CARMIL2: variants seen among roughly 807,000 people sequenced by gnomAD.
CARMIL2 encodes capping protein regulator and myosin 1 linker 2.
A neutral mutation model predicts 173.3 loss-of-function variants in CARMIL2; 96 were observed. That is an observed-to-expected ratio of 0.55 (90% CI 0.47 to 0.66). The LOEUF is 0.66. Ranked by LOEUF, CARMIL2 falls within the 30% of genes least tolerant of loss-of-function variation. The pLI is 0.00. For missense variants in CARMIL2, 1,771 were observed against 1,906.7 expected (o/e 0.93, Z 1.33); for synonymous variants, 830 against 817.1 (o/e 1.02, Z -0.27).
chr16:67,653,161 G>C lies in CARMIL2; in HGVS notation c.3027G>C (p.Leu1009=). 9.0e-7 allele frequency: 1 copy of C among 1,108,340 alleles called. No individual in the cohort carries two copies. The highest frequency in any genetic ancestry group is 1.1e-6 in the Non-Finnish European group (1 of 908,762). The allele number at this position is 1,108,340 out of a possible 1,614,324, so 68.7% of individuals were successfully genotyped here. The change falls in exon 29 of 38, where the codon CTG becomes CTC. Residue 1009 remains leucine (L), a synonymous_variant. Coordinates refer to ENST00000334583, the MANE Select transcript of CARMIL2 (RefSeq NM_001013838.3). This position sits in a 1 kb window ranked among gnomAD's most constrained non-coding sequence, Gnocchi z 7.4. ...CCGGCCCGCTGCCCCGCATGGACCT[G>C]CCACTGGCGGGGCAGCCCCTGCGCC... ...PPAGPLPRMD[L]PLAGQPLRHP...
Position 67,654,395 on chromosome 16 carries a change from A to G in CARMIL2, c.3285A>G (p.Arg1095=). 6.2e-7 allele frequency: 1 copy of G among 1,609,492 alleles called. No individual in the cohort carries two copies. The highest frequency in any genetic ancestry group is 8.5e-7 in the Non-Finnish European group (1 of 1,178,312). The change falls in exon 31 of 38, where the codon CGA becomes CGG. Residue 1095 remains arginine (R), a synonymous_variant. Coordinates refer to ENST00000334583, the MANE Select transcript of CARMIL2 (RefSeq NM_001013838.3). The stretch of plus-strand genomic sequence containing the variant: ...CCACTCCTGTCCCCCGTACACTGCG[A>G]AAGAAGCTGGGCACCCTCTTTGCCT... ...GGATPVPRTL[R]KKLGTLFAFK...
chr16:67,652,948 G>A lies in CARMIL2; in HGVS notation c.2885-71G>A, dbSNP rs1241279915. 8 of 752,380 alleles carry A rather than the reference G, an allele frequency of 1.1e-5. No homozygotes were observed. The highest frequency in any genetic ancestry group is 9.7e-5 in the African/African-American group (5 of 51,518). 46.6% of individuals were successfully genotyped at this position (752,380 alleles called of 1,614,324 possible). Reference sequence around the variant, plus strand: ...TCCCCGCGCCCTGGGCGGGTCCCCCGCCGCCCTAGCGCCTCCGCCGCCACC... The same window carrying A: ...TCCCCGCGCCCTGGGCGGGTCCCCCACCGCCCTAGCGCCTCCGCCGCCACC... On this transcript the variant is annotated intron_variant, in intron 28 of 37. Coordinates refer to ENST00000334583, the MANE Select transcript of CARMIL2 (RefSeq NM_001013838.3). This position sits in a 1 kb window ranked among gnomAD's most constrained non-coding sequence, Gnocchi z 4.7.
At position 67,657,363 on chromosome 16, in the gene CARMIL2, C is replaced by A; in HGVS notation, c.4196-43C>A. 1 of 1,607,914 alleles carries A rather than the reference C, an allele frequency of 6.2e-7. No homozygotes were observed. Among genetic ancestry groups the A allele is most frequent in the Non-Finnish European group, 8.5e-7 (1 of 1,176,464 alleles). On this transcript the variant is annotated intron_variant, in intron 37 of 37. Transcript: ENST00000334583. The surrounding 1 kb of genome is among the most constrained non-coding windows in gnomAD (Gnocchi z 4.5). ...CTGGGAGGGTGGCAGGACTGCTTAGCCCAGCCCTGACCCTTCCTCTCTCTC... is the reference window on the plus strand; with the variant it reads ...CTGGGAGGGTGGCAGGACTGCTTAGACCAGCCCTGACCCTTCCTCTCTCTC...
In CARMIL2 at chr16:67,654,686, C is replaced by T. The variant is rs376664554; in HGVS notation, c.3576C>T (p.Pro1192=). 34 of 1,592,322 alleles carry T rather than the reference C, an allele frequency of 2.1e-5. No homozygotes were observed. The African/African-American group carries it at 3.6e-4, about 17-fold the overall frequency. Residue 1192 remains proline (P), a synonymous_variant, in exon 31 of 38, where the codon CCC becomes CCT. Transcript: ENST00000334583. Reference sequence around the variant, plus strand: ...AGGAGGCAACGCTGGGTGCCAGACCCGACAAGGTGAGGCTTGCTGATGGGG... The same window carrying T: ...AGGAGGCAACGCTGGGTGCCAGACCTGACAAGGTGAGGCTTGCTGATGGGG... ...AEEEATLGAR[P]DKRRPLERGE... is the part of the protein sequence containing the mutation.
chr16:67,648,764 G>C lies in CARMIL2; in HGVS notation c.1509+10G>C. On this transcript the variant is annotated intron_variant, in intron 16 of 37. Coordinates refer to ENST00000334583, the MANE Select transcript of CARMIL2 (RefSeq NM_001013838.3). The surrounding 1 kb of genome is among the most constrained non-coding windows in gnomAD (Gnocchi z 6.1). ...CCTCAGCGCTTGCGAGGTGAGCGCC[G>C]GCCCCCAGAAGAGACCACACATTGG... 1.3e-6 allele frequency: 2 copies of C among 1,596,604 alleles called. No individual in the cohort carries two copies. Among genetic ancestry groups the C allele is most frequent in the African/African-American group, 1.3e-5 (1 of 74,612 alleles).
chr16:67,652,405 G>A lies in CARMIL2; in HGVS notation c.2817+66G>A. On this transcript the variant is annotated intron_variant, in intron 27 of 37. Transcript: ENST00000334583. The surrounding 1 kb of genome is among the most constrained non-coding windows in gnomAD (Gnocchi z 4.7). ...TCCCATCTTGCTGTGGAGTGTGGAA[G>A]GTGAAAGGCAGCTCTTTTGGGTTGG... The A allele has an allele frequency of 6.2e-7, 1 of 1,611,678 alleles. No homozygotes were observed. The highest frequency in any genetic ancestry group is 8.5e-7 in the Non-Finnish European group (1 of 1,178,554).
At position 67,648,718 on chromosome 16, in the gene CARMIL2, C is replaced by A. The variant is rs759932806; in HGVS notation, c.1473C>A (p.His491Gln). The change falls in exon 16 of 38, where the codon CAC becomes CAA. Residue 491 changes from histidine (H) to glutamine (Q), a missense_variant. Coordinates refer to ENST00000334583, the MANE Select transcript of CARMIL2 (RefSeq NM_001013838.3). The surrounding 1 kb of genome is among the most constrained non-coding windows in gnomAD (Gnocchi z 6.1). ...ALLDGLALNT[H>Q]LRDLHLDLSA... ...TGGATGGCCTCGCGCTCAACACGCA[C>A]CTCCGCGACCTGCACCTGGACCTCA... 1 of 1,607,830 alleles carries A rather than the reference C, an allele frequency of 6.2e-7. No individual in the cohort carries two copies. The highest frequency in any genetic ancestry group is 2.2e-5 in the East Asian group (1 of 44,512).
At position 67,654,466 on chromosome 16, in the gene CARMIL2, C is replaced by G. The variant is rs757129135; in HGVS notation, c.3356C>G (p.Thr1119Ser). 1 of 1,613,060 alleles carries G rather than the reference C, an allele frequency of 6.2e-7. No individual in the cohort carries two copies. The highest frequency in any genetic ancestry group is 8.5e-7 in the Non-Finnish European group (1 of 1,179,704). The change falls in exon 31 of 38, where the codon ACC becomes AGC. Residue 1119 changes from threonine to serine, a missense_variant. Transcript: ENST00000334583. ...CGGGGTCCACGGACTGATCTAGAGACCAGCCCTGGGGCAGCTCCCCGAACC... is the reference window on the plus strand; with the variant it reads ...CGGGGTCCACGGACTGATCTAGAGAGCAGCCCTGGGGCAGCTCCCCGAACC... ...STRGPRTDLE[T>S]SPGAAPRTRK... is the part of the protein sequence containing the mutation.
rs1385583044 is a variant in CARMIL2 at position 67,646,204 on chromosome 16, T to A, written c.268T>A (p.Ser90Thr). 2 of 1,613,524 alleles carry A rather than the reference T, an allele frequency of 1.2e-6. No homozygotes were observed. The highest frequency in any genetic ancestry group is 8.5e-7 in the Non-Finnish European group (1 of 1,179,838). Residue 90 changes from serine (S) to threonine (T), a missense_variant, in exon 5 of 38, where the codon TCC (serine) becomes ACC (threonine). This residue lies in a region of CARMIL2 where 944 missense variants were observed against 975.6 expected (regional missense o/e 0.97). Transcript: ENST00000334583. The surrounding 1 kb of genome is among the most constrained non-coding windows in gnomAD (Gnocchi z 4.6). Reference protein sequence around the residue: ...TPPQVTFELESLRELVLEFPG... With the variant: ...TPPQVTFELETLRELVLEFPG... The stretch of plus-strand genomic sequence containing the variant: ...TCCCTAGGTCACCTTTGAGCTGGAG[T>A]CCCTGCGTGAGCTGGTCCTGGAGTT...
chr16:67,656,778 CCT>C lies in CARMIL2; in HGVS notation c.4037-22_4037-21del, dbSNP rs76964791. On this transcript the variant is annotated intron_variant, in intron 35 of 37. Coordinates refer to ENST00000334583, the MANE Select transcript of CARMIL2 (RefSeq NM_001013838.3). ...GAGTGGGGGCAGCTGTTGGAATACC[CCT>C]GATTCCCTGGCCTCCCTCAGATGGC... The C allele has an allele frequency of 4.5e-3, 6,916 of 1,551,010 alleles. 250 individuals are homozygous for C. The Admixed American group carries it at 0.062, about 14-fold the overall frequency.
Position 67,657,358 on chromosome 16 carries a change from C to T in CARMIL2, c.4195+42C>T. On this transcript the variant is annotated intron_variant, in intron 37 of 37. Coordinates refer to ENST00000334583, the MANE Select transcript of CARMIL2 (RefSeq NM_001013838.3). This position sits in a 1 kb window ranked among gnomAD's most constrained non-coding sequence, Gnocchi z 4.5. ...GCCAGCTGGGAGGGTGGCAGGACTG[C>T]TTAGCCCAGCCCTGACCCTTCCTCT... The T allele has an allele frequency of 6.2e-7, 1 of 1,608,930 alleles. No homozygotes were observed.
Position 67,648,976 on chromosome 16 carries a change from T to G in CARMIL2, c.1591+2T>G, listed in dbSNP as rs755704029. 6.2e-7 allele frequency: 1 copy of G among 1,607,938 alleles called. No individual in the cohort carries two copies. The highest frequency in any genetic ancestry group is 8.5e-7 in the Non-Finnish European group (1 of 1,177,494). Reference sequence around the variant, plus strand: ...GCTCCCTGGATCTGGCGGATAACGGTGAGGCTGCAGGAGAGCCCATCCTCG... The same window carrying G: ...GCTCCCTGGATCTGGCGGATAACGGGGAGGCTGCAGGAGAGCCCATCCTCG... On this transcript the variant is annotated splice_donor_variant, in intron 17 of 37. Transcript: ENST00000334583. LOFTEE classifies it high-confidence loss of function. This position sits in a 1 kb window ranked among gnomAD's most constrained non-coding sequence, Gnocchi z 6.1.
In CARMIL2 at chr16:67,654,662, G is replaced by C; in HGVS notation, c.3552G>C (p.Glu1184Asp). ...CGATGATACTGCTGCCTGCCGAGGA[G>C]GAGGCAACGCTGGGTGCCAGACCCG... Reference protein sequence around the residue: ...AYSMILLPAEEEATLGARPDK... With the variant: ...AYSMILLPAEDEATLGARPDK... The change falls in exon 31 of 38, where the codon GAG (glutamate) becomes GAC (aspartate). Residue 1184 changes from glutamate (E) to aspartate (D), a missense_variant. Physicochemically the swap from Glu to Asp is conservative, Grantham distance 45. Coordinates refer to ENST00000334583, the MANE Select transcript of CARMIL2 (RefSeq NM_001013838.3). 6.3e-7 allele frequency: 1 copy of C among 1,586,242 alleles called. No homozygotes were observed. The highest frequency in any genetic ancestry group is 1.7e-4 in the Middle Eastern group (1 of 5,918).
chr16:67,649,681 G>C lies in CARMIL2; in HGVS notation c.1919+62G>C. The C allele has an allele frequency of 6.4e-7, 1 of 1,558,058 alleles. No homozygotes were observed. Among genetic ancestry groups the C allele is most frequent in the Non-Finnish European group, 8.7e-7 (1 of 1,154,668 alleles). On this transcript the variant is annotated intron_variant, in intron 20 of 37. Coordinates refer to ENST00000334583, the MANE Select transcript of CARMIL2 (RefSeq NM_001013838.3). This position sits in a 1 kb window ranked among gnomAD's most constrained non-coding sequence, Gnocchi z 6.7. The stretch of plus-strand genomic sequence containing the variant: ...GGGCGCGGTGGAGAGGAGGGCACCG[G>C]GCTAAGGGGAGGGACTGAATGAGGC...
In CARMIL2 at chr16:67,646,877, G is replaced by A. The variant is rs1188083580; in HGVS notation, c.538-23G>A. On this transcript the variant is annotated intron_variant, in intron 7 of 37. Transcript: ENST00000334583. The surrounding 1 kb of genome is among the most constrained non-coding windows in gnomAD (Gnocchi z 4.6). Reference sequence around the variant, plus strand: ...TGCCCCTTGTGGCCCCAGGCGAACTGTAAGCATCTCCTTCTCACCCAGGAC... The same window carrying A: ...TGCCCCTTGTGGCCCCAGGCGAACTATAAGCATCTCCTTCTCACCCAGGAC... The A allele has an allele frequency of 1.9e-6, 3 of 1,613,722 alleles. No individual in the cohort carries two copies. The highest frequency in any genetic ancestry group is 3.3e-5 in the Admixed American group (2 of 60,028).
Position 67,646,118 on chromosome 16 carries a change from G to C in CARMIL2, c.249+38G>C. 6.2e-7 allele frequency: 1 copy of C among 1,613,824 alleles called. No individual in the cohort carries two copies. The highest frequency in any genetic ancestry group is 1.1e-5 in the South Asian group (1 of 91,082). ...GTACCCTACCTGGGCCTGCAGCCTGGTCTTCATGCTACCACCATCACCTGC... is the reference window on the plus strand; with the variant it reads ...GTACCCTACCTGGGCCTGCAGCCTGCTCTTCATGCTACCACCATCACCTGC... On this transcript the variant is annotated intron_variant, in intron 4 of 37. Transcript: ENST00000334583. The surrounding 1 kb of genome is among the most constrained non-coding windows in gnomAD (Gnocchi z 4.6).
Position 67,649,478 on chromosome 16 carries a change from G to C in CARMIL2, c.1778G>C (p.Arg593Pro). The change falls in exon 20 of 38, where the codon CGG (arginine) becomes CCG (proline). Residue 593 changes from arginine to proline, a missense_variant. Arg to Pro is a moderately radical substitution (Grantham distance 103). Coordinates refer to ENST00000334583, the MANE Select transcript of CARMIL2 (RefSeq NM_001013838.3). The surrounding 1 kb of genome is among the most constrained non-coding windows in gnomAD (Gnocchi z 6.7). ...CAGTCTCTGTCGGTGGCTGAGTCTC[G>C]GCTGAAGCTGGGTGCCAGCGTCCTA... Reference protein sequence around the residue: ...PLQSLSVAESRLKLGASVLLR... With the variant: ...PLQSLSVAESPLKLGASVLLR... 6.2e-7 allele frequency: 1 copy of C among 1,611,088 alleles called. No individual in the cohort carries two copies. Among genetic ancestry groups the C allele is most frequent in the Non-Finnish European group, 8.5e-7 (1 of 1,179,876 alleles).
chr16:67,651,820 C>T lies in CARMIL2; in HGVS notation c.2563C>T (p.Leu855=). 1 of 1,612,054 alleles carries T rather than the reference C, an allele frequency of 6.2e-7. No homozygotes were observed. Among genetic ancestry groups the T allele is most frequent in the East Asian group, 2.2e-5 (1 of 44,862 alleles). Residue 855 remains leucine (L), a synonymous_variant, in exon 25 of 38, where the codon CTG becomes TTG. Coordinates refer to ENST00000334583, the MANE Select transcript of CARMIL2 (RefSeq NM_001013838.3). This position sits in a 1 kb window ranked among gnomAD's most constrained non-coding sequence, Gnocchi z 4.2. ...CCCGGAGCTGCTCCCAGAGCAGCTG[C>T]TGCAAGATGCCTTCACTAGGCTCAG... The part of the protein sequence containing the change: ...GLPELLPEQL[L]QDAFTRLRDM...
In CARMIL2 at chr16:67,648,063, C is replaced by T; in HGVS notation, c.1083C>T (p.Ser361=). Residue 361 remains serine (S), a synonymous_variant, in exon 14 of 38, where the codon AGC becomes AGT. Coordinates refer to ENST00000334583, the MANE Select transcript of CARMIL2 (RefSeq NM_001013838.3). This position sits in a 1 kb window ranked among gnomAD's most constrained non-coding sequence, Gnocchi z 6.1. ...GASEDSGGLY[S]FLSRPNVLSF... ...TGTCCTCCCTCCAGGGCCTCTATAG[C>T]TTCCTGAGCCGTCCTAACGTACTGT... The T allele has an allele frequency of 6.2e-7, 1 of 1,612,250 alleles. No individual in the cohort carries two copies. Among genetic ancestry groups the T allele is most frequent in the South Asian group, 1.1e-5 (1 of 90,640 alleles).
Sources: allele counts gnomAD v4.1 joint callset, GRCh38; gene constraint gnomAD v4.1.1; regional missense constraint gnomAD v4.1.1; non-coding constraint Gnocchi (gnomAD v3.1); transcripts MANE v1.5; gene names NCBI Gene and HGNC (gene_info 2026-07-23, HGNC 2026-07-21).